XIAP: variants seen among roughly 807,000 people sequenced by gnomAD.
XIAP encodes X-linked inhibitor of apoptosis.
XIAP carries 3 observed loss-of-function variants against 33.1 expected under a neutral mutation model. That is an observed-to-expected ratio of 0.09 (90% confidence interval 0.04 to 0.23). The LOEUF (loss-of-function observed/expected upper bound fraction) is 0.23, where lower values mean the gene tolerates loss of function less well. Among genes scored for constraint, XIAP ranks in the 10% least tolerant of loss-of-function variants. The pLI, the probability that XIAP is intolerant of heterozygous loss-of-function variation, is 1.00. For missense variants in XIAP, 264 were observed against 363.0 expected (o/e 0.73, Z 2.22); for synonymous variants, 98 against 121.3 (o/e 0.81, Z 1.26).
chrX:123,887,474 G>A, intron 2 of XIAP, among the ~76,000 whole-genome samples: 2 of 112,580 alleles, frequency 1.8e-5, no homozygotes, highest in South Asian at 7.2e-4. Flanking sequence ...ATTGAATAAT[G>A]CCTATAAAAT....
At chrX:123,884,503 T>G (rs1208129271) in intron 1 of XIAP, among the ~76,000 whole-genome samples, 1 of 110,386 alleles carries the variant, frequency 9.1e-6, no homozygotes, top group Non-Finnish European at 1.9e-5. Flanking sequence ...AAAAATCAAT[T>G]AATGCACGCA....
At chrX:123,864,455 G>GTTTTTTTTT (rs1162636021) in intron 1 of XIAP, among the ~76,000 whole-genome samples, 1 of 49,589 alleles carries the variant, frequency 2.0e-5, no homozygotes, top group Non-Finnish European at 3.4e-5. Context: ...CCTTTCTTCT[G>GTTTTTTTTT]TTTTTTTTTT....
At position 123,899,145 on chromosome X, in the gene XIAP, ATAT is replaced by A. The variant is rs776872832; in HGVS notation, c.1100-1347_1100-1345del. Among the ~76,000 whole-genome samples, 97 of 42,618 alleles carry A rather than the reference ATAT, an allele frequency of 2.3e-3. 24 individuals are homozygous for A. Among genetic ancestry groups the A allele is most frequent in the African/African-American group, 1.0e-2 (96 of 9,633 alleles). 37.0% of individuals were successfully genotyped at this position (42,618 alleles called of 115,157 possible). A position where few individuals can be genotyped will look rare whatever the true frequency, so the allele number is the denominator to read the frequency against. ...AAAAAAAAAAAAAAAAAAAAAAAAA[ATAT>A]ATATATATATATATATATGATTTTA... On this transcript the variant is annotated intron_variant, in intron 5 of 6. Coordinates refer to ENST00000371199, the MANE Select transcript of XIAP (RefSeq NM_001167.4).
chrX:123,913,734 TA>T lies in XIAP; in HGVS notation c.*6554del, dbSNP rs1221452147. 6.2e-6 allele frequency: 2 copies of T among 323,410 alleles called. No individual in the cohort carries two copies. Among genetic ancestry groups the T allele is most frequent in the African/African-American group, 5.4e-5 (2 of 37,273 alleles). 26.7% of individuals were successfully genotyped at this position (323,410 alleles called of 1,213,427 possible). ...GATTTTGCATTTTTTTCATTACTGT[TA>T]TATTTTAACCTGACTGACTGATCTA... On this transcript the variant is annotated 3_prime_UTR_variant, in exon 7 of 7. Coordinates refer to ENST00000371199, the MANE Select transcript of XIAP (RefSeq NM_001167.4).
Position 123,869,362 on chromosome X carries a change from C to CAAAAAAAAAAAAAAAAAAAAAAA in XIAP, c.-33+9091_-33+9092insAAAAAAAAAAAAAAAAAAAAAAA, listed in dbSNP as rs57436822. ...AAACCCCATCTCTACTAAAAAAATA[C>CAAAAAAAAAAAAAAAAAAAAAAA]AAAAAAAAAAAAAAAAAAAAAAGCT... is the stretch of plus-strand genomic sequence containing the variant. On this transcript the variant is annotated intron_variant, in intron 1 of 6. Transcript: ENST00000371199. Among the ~76,000 whole-genome samples the CAAAAAAAAAAAAAAAAAAAAAAA allele has an allele frequency of 1.8e-3, 53 of 29,723 alleles. 5 individuals carry two copies. The highest frequency in any genetic ancestry group is 2.4e-3 in the Non-Finnish European group (42 of 17,847). 25.8% of individuals were successfully genotyped at this position (29,723 alleles called of 115,157 possible).
chrX:123,885,450 T>A (rs755751122), intron 1 of XIAP, among the ~76,000 whole-genome samples, 181 bp from the exon 2 acceptor site: 1 of 112,365 alleles, frequency 8.9e-6, no homozygotes, highest in East Asian at 2.8e-4. Flanking sequence ...AAATGCTAGA[T>A]TTTACTTTAT....
rs759563910 is a variant in XIAP, at chrX:123,912,907, A to G, written c.*5726A>G. On this transcript the variant is annotated 3_prime_UTR_variant, in exon 7 of 7. Coordinates refer to ENST00000371199, the MANE Select transcript of XIAP (RefSeq NM_001167.4). ...CTGACCTCAAGTGATTCATCTCCCA[A>G]AGTGCTGGGATTACAGGCGTGAGCC... 68 of 321,285 alleles carry G rather than the reference A, an allele frequency of 2.1e-4. No homozygotes were observed. Among genetic ancestry groups the G allele is most frequent in the Non-Finnish European group, 3.8e-4 (64 of 167,246 alleles). The allele number at this position is 321,285 out of a possible 1,213,427, so 26.5% of individuals were successfully genotyped here. A position where few individuals can be genotyped will look rare whatever the true frequency, so the allele number is the denominator to read the frequency against.
At chrX:123,870,523 A>G (rs1230513152) in intron 1 of XIAP, among the ~76,000 whole-genome samples, 1 of 112,277 alleles carries the variant, frequency 8.9e-6, no homozygotes, top group Non-Finnish European at 1.9e-5. Flanking sequence ...TGGCTTTCAG[A>G]TAGAGTTAAA....
chrX:123,904,450 AG>A (rs2053542583), intron 6 of XIAP, among the ~76,000 whole-genome samples: 1 of 110,591 alleles, frequency 9.0e-6, no homozygotes, highest in South Asian at 3.8e-4. Context: ...CTGTATACCT[AG>A]TCCCATTCCC....
At position 123,911,273 on chromosome X, in the gene XIAP, G is replaced by A. The variant is rs773227715; in HGVS notation, c.*4092G>A. On this transcript the variant is annotated 3_prime_UTR_variant, in exon 7 of 7. Coordinates refer to ENST00000371199, the MANE Select transcript of XIAP (RefSeq NM_001167.4). ...CGGGCAGATCACCTGAGGTCGGGAG[G>A]TCGAGACCAGCCTGACCAACATGGA... The A allele has an allele frequency of 1.7e-3, 523 of 315,215 alleles. No individual in the cohort carries two copies. Among genetic ancestry groups the A allele is most frequent in the Non-Finnish European group, 2.7e-3 (454 of 165,922 alleles). The allele number at this position is 315,215 out of a possible 1,213,427, so 26.0% of individuals were successfully genotyped here. A position where few individuals can be genotyped will look rare whatever the true frequency, so the allele number is the denominator to read the frequency against.
chrX:123,898,105 A>G (rs1248071820), intron 5 of XIAP, among the ~76,000 whole-genome samples: 3 of 112,042 alleles, frequency 2.7e-5, no homozygotes, highest in Admixed American at 9.5e-5. Flanking sequence ...ATAGTACCAC[A>G]GTTCACAAGG....
chrX:123,912,359 AAAG>A lies in XIAP; in HGVS notation c.*5179_*5181del, dbSNP rs747245451. On this transcript the variant is annotated 3_prime_UTR_variant, in exon 7 of 7. Coordinates refer to ENST00000371199, the MANE Select transcript of XIAP (RefSeq NM_001167.4). The stretch of plus-strand genomic sequence containing the variant: ...TTGGTGCAAAAATGCAAAAAAAAAA[AAAG>A]CAATTATTTTTAAACCAACCTAATA... 1.6e-4 allele frequency: 51 copies of A among 321,611 alleles called. No individual in the cohort carries two copies. Among genetic ancestry groups the A allele is most frequent in the Middle Eastern group, 1.0e-3 (1 of 1,000 alleles). 26.5% of individuals were successfully genotyped at this position (321,611 alleles called of 1,213,427 possible). A position where few individuals can be genotyped will look rare whatever the true frequency, so the allele number is the denominator to read the frequency against.
At position 123,907,635 on chromosome X, in the gene XIAP, G is replaced by A; in HGVS notation, c.*454G>A. On this transcript the variant is annotated 3_prime_UTR_variant, in exon 7 of 7. Coordinates refer to ENST00000371199, the MANE Select transcript of XIAP (RefSeq NM_001167.4). ...AGGAATAAATTGTTCCATGCTGGTG[G>A]AAAGATAGAGATTGTTTTTAGAGGT... is the stretch of plus-strand genomic sequence containing the variant. 1 of 374,182 alleles carries A rather than the reference G, an allele frequency of 2.7e-6. No individual in the cohort carries two copies. Among genetic ancestry groups the A allele is most frequent in the Non-Finnish European group, 5.1e-6 (1 of 198,005 alleles). 30.8% of individuals were successfully genotyped at this position (374,182 alleles called of 1,213,427 possible). A position where few individuals can be genotyped will look rare whatever the true frequency, so the allele number is the denominator to read the frequency against.
intron 2 of XIAP, among the ~76,000 whole-genome samples, chrX:123,887,496 C>T (rs1413373446): frequency 1.8e-5 from 2 of 112,281 alleles, no homozygotes; most frequent in South Asian, 3.6e-4. Context: ...TTGGTTATTT[C>T]GAAAGATTTT....
intron 1 of XIAP, among the ~76,000 whole-genome samples, chrX:123,876,377 A>G (rs977841406): frequency 9.0e-6 from 1 of 111,255 alleles, no homozygotes; most frequent in Non-Finnish European, 1.9e-5. Flanking sequence ...GTAGGTTTAG[A>G]TAGAAGGTCA....
chrX:123,867,028 T>A, intron 1 of XIAP, among the ~76,000 whole-genome samples: 1 of 87,688 alleles, frequency 1.1e-5, no homozygotes, highest in African/African-American at 4.6e-5. Context: ...TGTCTACAGG[T>A]TGTTTTAATC....
chrX:123,898,426 G>A (rs2053479770), intron 5 of XIAP, among the ~76,000 whole-genome samples: 2 of 111,197 alleles, frequency 1.8e-5, no homozygotes, highest in African/African-American at 3.3e-5. Context: ...GCAGTGGCGC[G>A]ATCTCGGCTC....
rs1556407724 is a variant in XIAP at position 123,899,173 on chromosome X, A to ATATATATATGATTTTG, written c.1100-1305_1100-1304insGTATATATATGATTTT. 5.5e-3 allele frequency among the ~76,000 whole-genome samples: 285 copies of ATATATATATGATTTTG among 51,739 alleles called. 19 individuals are homozygous for ATATATATATGATTTTG. The highest frequency in any genetic ancestry group is 0.014 in the Middle Eastern group (1 of 70). The allele number at this position is 51,739 out of a possible 115,157, so 44.9% of individuals were successfully genotyped here. On this transcript the variant is annotated intron_variant, in intron 5 of 6. Transcript: ENST00000371199. Reference sequence around the variant, plus strand: ...TATATATATATATATATATGATTTTATATATATATGATTTTATATATATAT... The same window carrying ATATATATATGATTTTG: ...TATATATATATATATATATGATTTTATATATATATGATTTTGTATATATATGATTTTATATATATAT...
intron 1 of XIAP, among the ~76,000 whole-genome samples, chrX:123,881,247 C>G (rs775677118): frequency 2.0e-4 from 22 of 111,536 alleles, no homozygotes; most frequent in Non-Finnish European, 4.0e-4. Flanking sequence ...ACTTCAAAAA[C>G]CTTTTTGTCA....
Sources: gnomAD v4.1 joint callset for allele counts (sites outside exome capture counted in the v4.1 genomes callset) on GRCh38, gnomAD v4.1.1 for gene constraint, MANE v1.5 for transcripts, NCBI Gene and HGNC (gene_info 2026-07-23, HGNC 2026-07-21) for gene names.